The following RC3H2 variants were observed in gnomAD, a reference collection of about 807,000 sequenced individuals.
RC3H2 encodes the protein ring finger and CCCH-type domains 2.
A neutral mutation model predicts 133.3 loss-of-function variants in RC3H2; 31 were observed. The observed-to-expected ratio is 0.23, with a 90% CI of 0.17 to 0.31. RC3H2 has a LOEUF of 0.31. RC3H2 is among the 10% of genes least tolerant of loss of function. The probability of loss-of-function intolerance (pLI) is 1.00; values close to 1 mark genes in which losing one functional copy is unlikely to be tolerated. For synonymous variants in RC3H2, 517 were observed against 502.2 expected (o/e 1.03, Z -0.40); for missense variants, 1,175 against 1,437.2 (o/e 0.82, Z 2.95).
chr9:122,905,302 CTCCACCT>C lies in RC3H2; in HGVS notation c.-267_-261del, dbSNP rs1203560354. 7 of 985,246 alleles carry C rather than the reference CTCCACCT, an allele frequency of 7.1e-6. No individual in the cohort carries two copies. Among genetic ancestry groups the C allele is most frequent in the African/African-American group, 1.7e-5 (1 of 57,240 alleles). The allele number at this position is 985,246 out of a possible 1,614,324, so 61.0% of individuals were successfully genotyped here. A position where few individuals can be genotyped will look rare whatever the true frequency, so the allele number is the denominator to read the frequency against. ...CCGCGACGGGGCCTCCTCCTCCTCC[CTCCACCT>C]CCGCCTCCTCCTCCTCCTCCTCCTC... is the stretch of plus-strand genomic sequence containing the variant. On this transcript the variant is annotated 5_prime_UTR_variant, in exon 1 of 21. Transcript: ENST00000357244.
chr9:122,860,945 C>T (rs1830432072), intron 10 of RC3H2, among the ~76,000 whole-genome samples: 1 of 151,934 alleles, frequency 6.6e-6, no homozygotes, highest in Admixed American at 6.6e-5. Flanking sequence ...TTCCTATATC[C>T]CCAGCACCTA....
intron 4 of RC3H2, 135 bp from the exon 5 acceptor site, chr9:122,883,514 A>G: frequency 3.5e-6 from 2 of 567,118 alleles, no homozygotes; most frequent in African/African-American, 3.9e-5. Flanking sequence ...CACAAAGAGG[A>G]CATCACACGT....
At chr9:122,881,844 T>C (rs966998816) in intron 5 of RC3H2, among the ~76,000 whole-genome samples, 4 of 152,188 alleles carry the variant, frequency 2.6e-5, no homozygotes, top group Admixed American at 6.5e-5. Flanking sequence ...TTTTTAAGCA[T>C]AGAAGTGACA....
Position 122,847,961 on chromosome 9 carries a change from GGTATCAAACACCA to G in RC3H2, c.*1653_*1665del, listed in dbSNP as rs1829904380. The G allele has an allele frequency of 1.3e-5, 2 of 152,054 alleles. No homozygotes were observed. Among genetic ancestry groups the G allele is most frequent in the African/African-American group, 4.8e-5 (2 of 41,390 alleles). 9.4% of individuals were successfully genotyped at this position (152,054 alleles called of 1,614,324 possible). ...CCTTATGAGCATGTTCATTAAGACA[GGTATCAAACACCA>G]GTATTTACTCATTCTAATCAAGAAA... On this transcript the variant is annotated 3_prime_UTR_variant, in exon 21 of 21. Transcript: ENST00000357244.
intron 1 of RC3H2, among the ~76,000 whole-genome samples, chr9:122,902,571 G>T (rs988653754): frequency 1.3e-5 from 2 of 152,124 alleles, no homozygotes; most frequent in East Asian, 3.9e-4. Flanking sequence ...GAGGCTAGGC[G>T]TGGTGGCTCA....
intron 4 of RC3H2, among the ~76,000 whole-genome samples, chr9:122,889,497 T>C (rs926984427): frequency 6.6e-6 from 1 of 152,194 alleles, no homozygotes; most frequent in Non-Finnish European, 1.5e-5. Flanking sequence ...ACCCGAACTG[T>C]AGTTCTAAAT....
intron 5 of RC3H2, 102 bp from the exon 6 acceptor site, chr9:122,880,896 C>T: frequency 1.3e-6 from 1 of 750,700 alleles, no homozygotes; most frequent in African/African-American, 1.7e-5. Context: ...ACTTACATAT[C>T]AGACACCACA....
chr9:122,862,590 T>C (rs1830498201), intron 10 of RC3H2, among the ~76,000 whole-genome samples: 1 of 152,182 alleles, frequency 6.6e-6, no homozygotes, highest in Non-Finnish European at 1.5e-5. Context: ...AAAATTTAGA[T>C]TTATTTTTTA....
At position 122,860,558 on chromosome 9, in the gene RC3H2, T is replaced by G. The variant is rs540962613; in HGVS notation, c.1635-427A>C. Among the ~76,000 whole-genome samples, 3 of 151,818 alleles carry G rather than the reference T, an allele frequency of 2.0e-5. No homozygotes were observed. The East Asian group carries it at 5.8e-4, about 30-fold the overall frequency. On this transcript the variant is annotated intron_variant, in intron 10 of 20. Coordinates refer to ENST00000357244, the MANE Select transcript of RC3H2 (RefSeq NM_001100588.3). Reference sequence around the variant, plus strand: ...CCTCCCAAGCAGATGGGACTACAAGTGCATGCCACCACACTCGGCTAATTT... The same window carrying G: ...CCTCCCAAGCAGATGGGACTACAAGGGCATGCCACCACACTCGGCTAATTT...
chr9:122,899,393 C>T (rs910800796), intron 1 of RC3H2, among the ~76,000 whole-genome samples: 2 of 151,818 alleles, frequency 1.3e-5, no homozygotes, highest in African/African-American at 2.4e-5. Flanking sequence ...CCCGGCCCTG[C>T]GCTTTTATAT....
rs749947513 is a variant in RC3H2, at chr9:122,854,276, G to A, written c.2901-10C>T. 4 of 1,598,092 alleles carry A rather than the reference G, an allele frequency of 2.5e-6. No individual in the cohort carries two copies. Among genetic ancestry groups the A allele is most frequent in the Non-Finnish European group, 3.4e-6 (4 of 1,167,488 alleles). On this transcript the variant is annotated splice_polypyrimidine_tract_variant and intron_variant, in intron 16 of 20. Coordinates refer to ENST00000357244, the MANE Select transcript of RC3H2 (RefSeq NM_001100588.3). ...AACAATGAATCTGTCCCTTTAAAGA[G>A]AAATATGTTTATTGTAATAAAAGTG... is the stretch of plus-strand genomic sequence containing the variant.
chr9:122,852,488 G>A (rs1287021508), intron 18 of RC3H2, among the ~76,000 whole-genome samples: 22 of 145,350 alleles, frequency 1.5e-4, no homozygotes, highest in Admixed American at 1.3e-3. Context: ...ACTGGGAAGT[G>A]AGGAGCCCCT....
In RC3H2 at chr9:122,854,502, G is replaced by A. The variant is rs140237501; in HGVS notation, c.2900+29C>T. ...AGATACATACAAGTCTGAGAATGGA[G>A]AATCATATAGAATTAAGAAGAACGT... On this transcript the variant is annotated intron_variant, in intron 16 of 20. Coordinates refer to ENST00000357244, the MANE Select transcript of RC3H2 (RefSeq NM_001100588.3). The A allele has an allele frequency of 8.5e-6, 13 of 1,533,768 alleles. No individual in the cohort carries two copies. In the East Asian group the frequency reaches 2.7e-4, roughly 32 times the overall value.
chr9:122,851,185 C>A lies in RC3H2; in HGVS notation c.3276G>T (p.Gln1092His), dbSNP rs752765180. 6.2e-7 allele frequency: 1 copy of A among 1,614,130 alleles called. No individual in the cohort carries two copies. The highest frequency in any genetic ancestry group is 8.5e-7 in the Non-Finnish European group (1 of 1,179,972). Residue 1092 changes from glutamine to histidine, a missense_variant, in exon 20 of 21, where the codon CAG becomes CAT. Transcript: ENST00000357244. The part of the protein sequence containing the change: ...IQLGISSQND[Q>H]LLNGMAVENG... ...TTTCCACTGCCATTCCATTTAGCAA[C>A]TGATCATTTTGAGAACTGATACCAA...
chr9:122,885,837 T>C, intron 4 of RC3H2, among the ~76,000 whole-genome samples: 1 of 152,150 alleles, frequency 6.6e-6, no homozygotes, highest in East Asian at 1.9e-4. Flanking sequence ...CAACACTAGC[T>C]GGCTGTCTGG....
intron 1 of RC3H2, among the ~76,000 whole-genome samples, chr9:122,904,519 G>C (rs575638203): frequency 6.6e-6 from 1 of 152,364 alleles, no homozygotes; most frequent in South Asian, 2.1e-4. Context: ...AAAAATGAGA[G>C]AGGGAAAGAA....
Position 122,866,852 on chromosome 9 carries a change from C to A in RC3H2, c.1326-1195G>T, listed in dbSNP as rs546536807. 4.2e-4 allele frequency among the ~76,000 whole-genome samples: 64 copies of A among 152,142 alleles called. 1 individual carries two copies. The highest frequency in any genetic ancestry group is 1.5e-3 in the African/African-American group (64 of 41,536). ...CCCGTCTGGGAAGTGAGGAGCGTCT[C>A]TGCCTGGCCGCCTATCGTCTGGGAC... is the stretch of plus-strand genomic sequence containing the variant. On this transcript the variant is annotated intron_variant, in intron 9 of 20. Transcript: ENST00000357244.
rs997605021 is a variant in RC3H2, at chr9:122,845,539, AT to A, written c.*4087del. The A allele has an allele frequency of 6.6e-6, 1 of 152,298 alleles. No homozygotes were observed. The highest frequency in any genetic ancestry group is 2.4e-5 in the African/African-American group (1 of 41,576). 9.4% of individuals were successfully genotyped at this position (152,298 alleles called of 1,614,324 possible). ...GGTTTGGGAATATTTTAAAAATTTT[AT>A]TAAAAAAAAGAAAAAACTGCCAATT... On this transcript the variant is annotated 3_prime_UTR_variant, in exon 21 of 21. Transcript: ENST00000357244.
At chr9:122,873,554 TA>T (rs1831195908) in intron 9 of RC3H2, among the ~76,000 whole-genome samples, 1 of 151,462 alleles carries the variant, frequency 6.6e-6, no homozygotes, top group African/African-American at 2.4e-5. Flanking sequence ...ACAAAAAATA[TA>T]AAAAAAATTT....
Sources: allele counts gnomAD v4.1 joint callset (sites outside exome capture counted in the v4.1 genomes callset), GRCh38; gene constraint gnomAD v4.1.1; transcripts MANE v1.5; gene names NCBI Gene and HGNC (gene_info 2026-07-23, HGNC 2026-07-21).